Variants in BLK observed in about 807,000 individuals in gnomAD.
BLK encodes tyrosine-protein kinase Blk.
A neutral mutation model predicts 61.8 loss-of-function variants in BLK; 64 were observed. The observed-to-expected ratio is 1.03, with a 90% CI of 0.85 to 1.27. The LOEUF is 1.27. BLK is among the 50% of genes most tolerant of loss of function. The probability of loss-of-function intolerance (pLI) is 0.00; values close to 1 mark genes in which losing one functional copy is unlikely to be tolerated. For synonymous variants in BLK, 351 were observed against 272.0 expected (o/e 1.29, Z -2.86); for missense variants, 853 against 660.5 (o/e 1.29, Z -3.19).
At position 11,500,631 on chromosome 8, in the gene BLK, T is replaced by G. The variant is rs57656742; in HGVS notation, c.-2+6040T>G. Among the ~76,000 whole-genome samples the G allele has an allele frequency of 4.0e-3, 613 of 151,778 alleles. 4 individuals carry two copies. The highest frequency in any genetic ancestry group is 0.013 in the African/African-American group (553 of 41,386). ...CCCCAGCTCAGGCAATCCTCCCACC[T>G]CAGCCTCCCAAGTAGTTGGGACCAC... On this transcript the variant is annotated intron_variant, in intron 1 of 12. Coordinates refer to ENST00000259089, the MANE Select transcript of BLK (RefSeq NM_001715.3).
intron 6 of BLK, 34 bp from the exon 7 acceptor site, chr8:11,554,709 T>C (rs766556366): frequency 1.9e-6 from 3 of 1,610,408 alleles, no homozygotes; most frequent in Non-Finnish European, 2.5e-6. Flanking sequence ...TCTTTGTGCC[T>C]TACTTCTCGT....
In BLK at chr8:11,548,159, A is replaced by G. The variant is rs759190553; in HGVS notation, c.269+34A>G. On this transcript the variant is annotated intron_variant, in intron 4 of 12. Coordinates refer to ENST00000259089, the MANE Select transcript of BLK (RefSeq NM_001715.3). ...CCAGGACACCATCCCCTGTCCCTGC[A>G]GGACCCCCCTCCCCCACATCTCTCC... The G allele has an allele frequency of 4.5e-6, 7 of 1,544,096 alleles. No individual in the cohort carries two copies. The Admixed American group carries it at 1.2e-4, about 26-fold the overall frequency.
intron 1 of BLK, among the ~76,000 whole-genome samples, chr8:11,532,035 T>G (rs1229596816): frequency 6.6e-6 from 1 of 152,082 alleles, no homozygotes; most frequent in Non-Finnish European, 1.5e-5. Context: ...GTTTTTGCAT[T>G]TTTAGTAGAG....
chr8:11,514,590 G>A (rs2736359), intron 1 of BLK, among the ~76,000 whole-genome samples: 22,530 of 152,138 alleles, frequency 0.15, 1,863 homozygotes, highest in East Asian at 0.25. Flanking sequence ...GCTCCCAGCC[G>A]AAGCTGCCAC....
At chr8:11,548,898 C>G in intron 4 of BLK, 126 bp from the exon 5 acceptor site, 3 of 870,372 alleles carry the variant, frequency 3.4e-6, no homozygotes, top group Non-Finnish European at 5.7e-6. Context: ...TCCTGCCTGC[C>G]GTACTCTCTA....
chr8:11,522,800 A>G (rs1025363811), intron 1 of BLK, among the ~76,000 whole-genome samples: 2 of 152,324 alleles, frequency 1.3e-5, no homozygotes, highest in South Asian at 2.1e-4. Context: ...TTAAAAGTCT[A>G]AAACATACAG....
At chr8:11,563,785 G>C (rs1172653033) in intron 12 of BLK, 118 bp from the exon 13 acceptor site, 8 of 975,378 alleles carry the variant, frequency 8.2e-6, no homozygotes, top group Non-Finnish European at 1.1e-5. Flanking sequence ...AAGTGGTCTG[G>C]GACTGTGGGC....
intron 1 of BLK, among the ~76,000 whole-genome samples, chr8:11,510,814 TAAATAC>T (rs1563426666): frequency 1.4e-5 from 2 of 144,006 alleles, no homozygotes; most frequent in African/African-American, 5.0e-5. Flanking sequence ...AATAAATAAA[TAAATAC>T]ATAAATAAAG....
chr8:11,535,314 AAGAAAGAAAG>A (rs201762659), intron 1 of BLK, among the ~76,000 whole-genome samples: 6,602 of 136,214 alleles, frequency 0.048, 216 homozygotes, highest in East Asian at 0.085. Context: ...GAAAGAAAGA[AAGAAAGAAAG>A]AGAAGGAAAA....
intron 1 of BLK, among the ~76,000 whole-genome samples, chr8:11,498,283 A>G (rs1291896948): frequency 6.6e-6 from 1 of 152,196 alleles, no homozygotes; most frequent in Admixed American, 6.6e-5. Context: ...TGTGGTGTCT[A>G]TAAGGGCATT....
chr8:11,503,023 T>C (rs1220165789), intron 1 of BLK, among the ~76,000 whole-genome samples: 1 of 152,188 alleles, frequency 6.6e-6, no homozygotes, highest in Non-Finnish European at 1.5e-5. Flanking sequence ...GATGTCCCCT[T>C]GGGCTCCTTC....
intron 1 of BLK, 66 bp from the exon 2 acceptor site, chr8:11,543,156 TCC>T: frequency 6.2e-7 from 1 of 1,609,488 alleles, no homozygotes; most frequent in Non-Finnish European, 8.5e-7. Flanking sequence ...GGGCCAGGGA[TCC>T]CCTCTGTGCA....
At chr8:11,545,245 G>A (rs755183536) in intron 2 of BLK, among the ~76,000 whole-genome samples, 1 of 152,082 alleles carries the variant, frequency 6.6e-6, no homozygotes, top group African/African-American at 2.4e-5. Context: ...TTAGTTCCAC[G>A]TTTTAAAATT....
In BLK at chr8:11,561,347, C is replaced by G; in HGVS notation, c.1075C>G (p.Arg359Gly). ...CATTGAGCGCATGAATTCCATCCAC[C>G]GCGACCTGCGGGCGGCCAACATCCT... Reference protein sequence around the residue: ...AYIERMNSIHRDLRAANILVS... With the variant: ...AYIERMNSIHGDLRAANILVS... Residue 359 changes from arginine to glycine, a missense_variant, in exon 11 of 13, where the codon CGC (arginine) becomes GGC (glycine). Arg to Gly is a moderately radical substitution (Grantham distance 125). Transcript: ENST00000259089. The G allele has an allele frequency of 6.2e-7, 1 of 1,614,066 alleles. No homozygotes were observed. Among genetic ancestry groups the G allele is most frequent in the Non-Finnish European group, 8.5e-7 (1 of 1,179,988 alleles).
At position 11,545,889 on chromosome 8, in the gene BLK, C is replaced by G. The variant is rs1800611635; in HGVS notation, c.124-163C>G. 7 of 792,992 alleles carry G rather than the reference C, an allele frequency of 8.8e-6. No individual in the cohort carries two copies. In the East Asian group the frequency reaches 1.7e-4, roughly 20 times the overall value. The allele number at this position is 792,992 out of a possible 1,614,324, so 49.1% of individuals were successfully genotyped here. ...GGTCTGTCTGAGGGTAGTGCTGGTC[C>G]CTGGGTACAGAATGTCCCTGAGCAG... On this transcript the variant is annotated intron_variant, in intron 2 of 12. Coordinates refer to ENST00000259089, the MANE Select transcript of BLK (RefSeq NM_001715.3).
At chr8:11,503,763 T>A (rs1264800398) in intron 1 of BLK, among the ~76,000 whole-genome samples, 2 of 152,140 alleles carry the variant, frequency 1.3e-5, no homozygotes, top group African/African-American at 4.8e-5. Flanking sequence ...TCTGTCCTCT[T>A]TCTTGCCTGG....
chr8:11,494,861 G>C (rs1364855728), intron 1 of BLK, among the ~76,000 whole-genome samples: 1 of 152,252 alleles, frequency 6.6e-6, no homozygotes, highest in Admixed American at 6.5e-5. Flanking sequence ...CCACAGAGGA[G>C]AGAAGGGACG....
intron 1 of BLK, among the ~76,000 whole-genome samples, chr8:11,507,060 C>G (rs559960241): frequency 6.6e-6 from 1 of 152,332 alleles, no homozygotes; most frequent in South Asian, 2.1e-4. Flanking sequence ...AGGCAGGTAG[C>G]CTGTCCCATC....
Position 11,550,181 on chromosome 8 carries a change from C to A in BLK, c.391C>A (p.Arg131=), listed in dbSNP as rs73663163. Residue 131 remains arginine (R), a synonymous_variant, in exon 6 of 13, where the codon CGG becomes AGG. Coordinates refer to ENST00000259089, the MANE Select transcript of BLK (RefSeq NM_001715.3). Reference sequence around the variant, plus strand: ...CAGGTGGTTCTTTAGATCACAGGGTCGGAAGGAGGCTGAGAGGCAGCTTCT... The same window carrying A: ...CAGGTGGTTCTTTAGATCACAGGGTAGGAAGGAGGCTGAGAGGCAGCTTCT... The part of the protein sequence containing the change: ...MERWFFRSQG[R]KEAERQLLAP... 2,519 of 1,614,062 alleles carry A rather than the reference C, an allele frequency of 1.6e-3. 38 individuals are homozygous for A. The African/African-American group carries it at 0.031, about 20-fold the overall frequency.
Sources: gnomAD v4.1 joint callset for allele counts (sites outside exome capture counted in the v4.1 genomes callset) on GRCh38, gnomAD v4.1.1 for gene constraint, MANE v1.5 for transcripts, NCBI Gene and HGNC (gene_info 2026-07-23, HGNC 2026-07-21) for gene names.